The following BTBD7 variants were observed in gnomAD, a reference collection of about 807,000 sequenced individuals.
The protein encoded by BTBD7 is BTB/POZ domain-containing protein 7.
BTBD7 carries 38 observed loss-of-function variants against 99.9 expected under a neutral mutation model. That is an observed-to-expected ratio of 0.38 (90% confidence interval 0.29 to 0.50). BTBD7 has a LOEUF of 0.50. BTBD7 is among the 20% of genes least tolerant of loss of function. The pLI, the probability that BTBD7 is intolerant of heterozygous loss-of-function variation, is 0.93. For synonymous variants in BTBD7, 520 were observed against 511.4 expected (o/e 1.02, Z -0.23); for missense variants, 1,170 against 1,394.6 (o/e 0.84, Z 2.57).
intron 1 of BTBD7, among the ~76,000 whole-genome samples, chr14:93,304,301 C>T (rs1276434273): frequency 1.3e-5 from 2 of 152,154 alleles, no homozygotes; most frequent in Non-Finnish European, 2.9e-5. Flanking sequence ...AGATGGTTCA[C>T]TCTAGATTTA....
intron 1 of BTBD7, among the ~76,000 whole-genome samples, chr14:93,314,639 C>A (rs187638922): frequency 6.6e-6 from 1 of 152,116 alleles, no homozygotes; most frequent in East Asian, 1.9e-4. Context: ...ATATCTTTGC[C>A]CACTCTGCCC....
intron 1 of BTBD7, among the ~76,000 whole-genome samples, chr14:93,316,991 A>G (rs1230125095): frequency 1.3e-5 from 2 of 152,208 alleles, no homozygotes; most frequent in Non-Finnish European, 2.9e-5. Flanking sequence ...TGTAGTTAAG[A>G]AATCTGTTTA....
rs1221777288 is a variant in BTBD7 at position 93,294,337 on chromosome 14, C to T, written c.683G>A (p.Gly228Glu). The T allele has an allele frequency of 1.9e-6, 3 of 1,614,108 alleles. No individual in the cohort carries two copies. Reference protein sequence around the residue: ...DILVQLSEEFGTPNSLDVDMR... With the variant: ...DILVQLSEEFETPNSLDVDMR... ...ATCTACATCAAGGGAATTTGGTGTT[C>T]CAAATTCTTCACTAAGCTGAACAAG... Residue 228 changes from glycine (G) to glutamate (E), a missense_variant, in exon 3 of 11, where the codon GGA becomes GAA. This residue lies in a region of BTBD7 where 359 missense variants were observed against 497.9 expected (regional missense o/e 0.72). Transcript: ENST00000334746.
At chr14:93,268,578 G>A (rs1281352488) in intron 3 of BTBD7, among the ~76,000 whole-genome samples, 1 of 152,004 alleles carries the variant, frequency 6.6e-6, no homozygotes, top group Non-Finnish European at 1.5e-5. Flanking sequence ...AAAGAAGGGT[G>A]TATTATTATT....
chr14:93,276,356 C>T (rs1468001409), intron 3 of BTBD7, among the ~76,000 whole-genome samples: 1 of 152,162 alleles, frequency 6.6e-6, no homozygotes, highest in Admixed American at 6.5e-5. Flanking sequence ...TCTGGATTAT[C>T]TATCTGGAAG....
chr14:93,309,788 T>C (rs146950403), intron 1 of BTBD7, among the ~76,000 whole-genome samples: 1 of 152,332 alleles, frequency 6.6e-6, no homozygotes, highest in African/African-American at 2.4e-5. Flanking sequence ...GACAATTAAA[T>C]GACTAAGCTT....
chr14:93,294,930 T>C lies in BTBD7; in HGVS notation c.90A>G (p.Ser30=). The change falls in exon 3 of 11, where the codon TCA becomes TCG. Residue 30 remains serine, a synonymous_variant. Transcript: ENST00000334746. ...AACCATAGCCTTGCTGAGAATAGGA[T>C]GAGGTCCCTAAGAAAAAAATTAAAC... ...SQAQQTFIGT[S]SYSQQGYGCE... is the part of the protein sequence containing the mutation. The C allele has an allele frequency of 6.5e-7, 1 of 1,547,318 alleles. No homozygotes were observed. The highest frequency in any genetic ancestry group is 8.7e-7 in the Non-Finnish European group (1 of 1,151,786).
chr14:93,246,296 A>AT lies in BTBD7; in HGVS notation c.2122-11dup. On this transcript the variant is annotated splice_polypyrimidine_tract_variant and intron_variant, in intron 9 of 10. Transcript: ENST00000334746. ...AGAATTTGTGAGGATTCTAAAAAAG[A>AT]TTAAAAAAAAAAAAAAAGGACATTT... 6.9e-7 allele frequency: 1 copy of AT among 1,443,460 alleles called. No individual in the cohort carries two copies. 89.4% of individuals were successfully genotyped at this position (1,443,460 alleles called of 1,614,324 possible).
At chr14:93,322,125 T>C (rs1175531205) in intron 1 of BTBD7, among the ~76,000 whole-genome samples, 1 of 152,230 alleles carries the variant, frequency 6.6e-6, no homozygotes. Flanking sequence ...CTTATTTTTA[T>C]TTTAGAGACA....
rs1309399148 is a variant in BTBD7 at position 93,332,929 on chromosome 14, C to G, written c.-216G>C. 2 of 1,002,644 alleles carry G rather than the reference C, an allele frequency of 2.0e-6. No individual in the cohort carries two copies. Among genetic ancestry groups the G allele is most frequent in the Non-Finnish European group, 1.3e-6 (1 of 758,302 alleles). The allele number at this position is 1,002,644 out of a possible 1,614,324, so 62.1% of individuals were successfully genotyped here. On this transcript the variant is annotated 5_prime_UTR_variant, in exon 1 of 11. Coordinates refer to ENST00000334746, the MANE Select transcript of BTBD7 (RefSeq NM_001002860.4). ...CACCGGCGCCAGCACCCCCGGCCAT[C>G]CTCCTCCCACCGCCGCCGCCGCCGC...
In BTBD7 at chr14:93,294,216, G is replaced by C. The variant is rs377685618; in HGVS notation, c.804C>G (p.Asn268Lys). ...GGGCTTTGAGCTCTTCATCTAAACA[G>C]TTCTGATTTCCACCAAAAGCTTCAA... ...ELVEAFGGNQ[N>K]CLDEELKAHK... Residue 268 changes from asparagine (N) to lysine (K), a missense_variant, in exon 3 of 11, where the codon AAC becomes AAG. Around this residue, in one of 4 missense-constraint regions of BTBD7, gnomAD observed 359 missense variants for 497.9 expected, o/e 0.72. Transcript: ENST00000334746. The C allele has an allele frequency of 5.6e-5, 91 of 1,613,752 alleles. No individual in the cohort carries two copies. Among genetic ancestry groups the C allele is most frequent in the Non-Finnish European group, 7.4e-5 (87 of 1,179,974 alleles).
At chr14:93,313,351 T>C (rs2053160049) in intron 1 of BTBD7, among the ~76,000 whole-genome samples, 1 of 152,232 alleles carries the variant, frequency 6.6e-6, no homozygotes, top group African/African-American at 2.4e-5. Flanking sequence ...TTCTATAAAA[T>C]TCCATTGCAT....
At chr14:93,324,417 G>T (rs1233015931) in intron 1 of BTBD7, among the ~76,000 whole-genome samples, 1 of 63,668 alleles carries the variant, frequency 1.6e-5, no homozygotes, top group African/African-American at 1.1e-4. Flanking sequence ...GCGAGACCCT[G>T]TCTCAAAAAA....
intron 6 of BTBD7, chr14:93,256,796 C>T (rs1170990411): frequency 6.2e-6 from 1 of 162,126 alleles, no homozygotes; most frequent in Non-Finnish European, 1.3e-5. Context: ...ATTTTCAGGT[C>T]CATCCATTCT....
At chr14:93,331,967 G>C (rs1419692374) in intron 1 of BTBD7, among the ~76,000 whole-genome samples, 3 of 149,940 alleles carry the variant, frequency 2.0e-5, no homozygotes, top group Non-Finnish European at 4.4e-5. Flanking sequence ...TGTTTTCGCA[G>C]AGTTAACAGT....
In BTBD7 at chr14:93,251,598, C is replaced by A; in HGVS notation, c.1807G>T (p.Val603Phe). The change falls in exon 8 of 11, where the codon GTT (valine) becomes TTT (phenylalanine). Residue 603 changes from valine to phenylalanine, a missense_variant. Val to Phe is a conservative substitution (Grantham distance 50). This residue lies in a region of BTBD7 where 309 missense variants were observed against 342.0 expected (regional missense o/e 0.90). Coordinates refer to ENST00000334746, the MANE Select transcript of BTBD7 (RefSeq NM_001002860.4). ...EQTDLVRLRMVRMSNVPDTLY... is the reference protein window; with the variant it reads ...EQTDLVRLRMFRMSNVPDTLY... ...GTGTCTGGCACATTGGACATTCTAA[C>A]CATTCGCAAGCGCACAAGATCCGTT... 6.2e-7 allele frequency: 1 copy of A among 1,613,652 alleles called. No individual in the cohort carries two copies. Among genetic ancestry groups the A allele is most frequent in the Non-Finnish European group, 8.5e-7 (1 of 1,179,694 alleles).
chr14:93,327,109 C>T (rs944716087), intron 1 of BTBD7, among the ~76,000 whole-genome samples: 4 of 152,192 alleles, frequency 2.6e-5, no homozygotes, highest in Non-Finnish European at 5.9e-5. Context: ...AGCAGTGAGT[C>T]ATGACTACAC....
At chr14:93,318,097 G>C (rs917473960) in intron 1 of BTBD7, among the ~76,000 whole-genome samples, 1 of 152,168 alleles carries the variant, frequency 6.6e-6, no homozygotes, top group African/African-American at 2.4e-5. Flanking sequence ...GTTGAGTTCT[G>C]TGCTTCCTCC....
chr14:93,301,104 C>CA (rs2052999397), intron 1 of BTBD7, among the ~76,000 whole-genome samples: 1 of 152,070 alleles, frequency 6.6e-6, no homozygotes, highest in Non-Finnish European at 1.5e-5. Context: ...TCTATAATCC[C>CA]AGTGCTTTGG....
Sources: gnomAD v4.1 joint callset for allele counts (sites outside exome capture counted in the v4.1 genomes callset) on GRCh38, gnomAD v4.1.1 for gene constraint, gnomAD v4.1.1 regional missense constraint, MANE v1.5 for transcripts, NCBI Gene and HGNC (gene_info 2026-07-23, HGNC 2026-07-21) for gene names.